The following MICAL3 variants were observed in gnomAD, a reference collection of about 807,000 sequenced individuals.
MICAL3 encodes [F-actin]-monooxygenase MICAL3.
Under a neutral mutation model 207.4 loss-of-function variants are expected in MICAL3, and 62 were observed. The observed-to-expected ratio is 0.30, with a 90% CI of 0.24 to 0.37. The LOEUF (loss-of-function observed/expected upper bound fraction) is 0.37, where lower values mean the gene tolerates loss of function less well. MICAL3 is among the 10% of genes least tolerant of loss of function. MICAL3 has a pLI of 1.00. For missense variants in MICAL3, 2,368 were observed against 2,635.6 expected (o/e 0.90, Z 2.22); for synonymous variants, 1,077 against 1,069.3 (o/e 1.01, Z -0.14).
intron 1 of MICAL3, among the ~76,000 whole-genome samples, chr22:17,921,065 T>C (rs555708359): frequency 1.2e-4 from 18 of 152,282 alleles, no homozygotes; most frequent in Middle Eastern, 6.8e-3. Flanking sequence ...ATCTTTACCC[T>C]AAAGCATTTC....
intron 19 of MICAL3, among the ~76,000 whole-genome samples, chr22:17,859,489 C>T (rs1926278282): frequency 6.6e-6 from 1 of 152,240 alleles, no homozygotes; most frequent in African/African-American, 2.4e-5. Flanking sequence ...CTAATGCCAG[C>T]AGCGGTGTGT....
Position 17,819,023 on chromosome 22 carries a change from G to C in MICAL3, c.3638C>G (p.Pro1213Arg). ...LPKEKPKADA[P>R]SDLKAVHSPI... Reference sequence around the variant, plus strand: ...AGAGTGCACAGCTTTCAGATCCGAGGGGGCATCAGCTTTGGGCTTCTCTTT... The same window carrying C: ...AGAGTGCACAGCTTTCAGATCCGAGCGGGCATCAGCTTTGGGCTTCTCTTT... The change falls in exon 26 of 32, where the codon CCC (proline) becomes CGC (arginine). Residue 1213 changes from proline to arginine, a missense_variant. Pro to Arg is a moderately radical substitution (Grantham distance 103). Coordinates refer to ENST00000441493, the MANE Select transcript of MICAL3 (RefSeq NM_015241.3). 2 of 1,606,904 alleles carry C rather than the reference G, an allele frequency of 1.2e-6. No homozygotes were observed. Among genetic ancestry groups the C allele is most frequent in the Non-Finnish European group, 1.7e-6 (2 of 1,176,728 alleles).
chr22:17,878,205 C>A (rs1423233693), intron 16 of MICAL3, among the ~76,000 whole-genome samples: 1 of 152,222 alleles, frequency 6.6e-6, no homozygotes, highest in Non-Finnish European at 1.5e-5. Context: ...ATCAGCATCT[C>A]ATTAAATACA....
intron 29 of MICAL3, among the ~76,000 whole-genome samples, chr22:17,798,198 C>A (rs892908003): frequency 1.3e-5 from 2 of 152,182 alleles, no homozygotes; most frequent in Non-Finnish European, 2.9e-5. Flanking sequence ...TCTATTTCCA[C>A]GTGAAAATAC....
Position 17,790,633 on chromosome 22 carries a change from A to G in MICAL3, c.*99T>C. On this transcript the variant is annotated 3_prime_UTR_variant, in exon 32 of 32. Transcript: ENST00000441493. ...CACGGGCATCTGAGCGTAAACTCCA[A>G]GGAGGTGCCAGGCCTCCTCAGATCG... 9.0e-7 allele frequency: 1 copy of G among 1,116,852 alleles called. No individual in the cohort carries two copies. 69.2% of individuals were successfully genotyped at this position (1,116,852 alleles called of 1,614,324 possible).
Position 17,809,461 on chromosome 22 carries a change from CT to C in MICAL3, c.5557-525del, listed in dbSNP as rs1420568332. ...CCCTCCTCGCTAGCATGGTGAAACC[CT>C]GTCTCTACTAAAAATACAAAAATTA... On this transcript the variant is annotated intron_variant, in intron 28 of 31. Coordinates refer to ENST00000441493, the MANE Select transcript of MICAL3 (RefSeq NM_015241.3). Among the ~76,000 whole-genome samples, 16 of 152,214 alleles carry C rather than the reference CT, an allele frequency of 1.1e-4. 1 individual carries two copies. Among genetic ancestry groups the C allele is most frequent in the African/African-American group, 3.6e-4 (15 of 41,446 alleles).
intron 11 of MICAL3, 119 bp from the exon 12 acceptor site, chr22:17,891,751 T>A (rs1930409268): frequency 1.3e-5 from 11 of 850,520 alleles, no homozygotes; most frequent in East Asian, 2.7e-5. Context: ...GACGAAACAG[T>A]CAACACTAGT....
intron 1 of MICAL3, among the ~76,000 whole-genome samples, chr22:17,944,477 T>C (rs181148850): frequency 3.3e-5 from 5 of 152,274 alleles, no homozygotes; most frequent in African/African-American, 1.2e-4. Context: ...AAGCATATTA[T>C]TACATTAAGT....
chr22:17,862,905 G>A (rs1926671756), intron 19 of MICAL3: 5 of 985,252 alleles, frequency 5.1e-6, no homozygotes, highest in Non-Finnish European at 6.0e-6. Context: ...TGATTCCTTT[G>A]GGACACCACA....
rs1048838166 is a variant in MICAL3 at position 17,816,770 on chromosome 22, G to C, written c.5365C>G (p.Arg1789Gly). The C allele has an allele frequency of 3.2e-6, 5 of 1,550,404 alleles. No homozygotes were observed. Among genetic ancestry groups the C allele is most frequent in the Non-Finnish European group, 4.4e-6 (5 of 1,146,990 alleles). Reference protein sequence around the residue: ...PVVRAELQLRRQLSFSEDSDL... With the variant: ...PVVRAELQLRGQLSFSEDSDL... ...GAGTCCTCGGAGAAGCTCAGCTGGC[G>C]CCGGAGCTGCAGCTCTGTGGAGAGA... The change falls in exon 27 of 32, where the codon CGC becomes GGC. Residue 1789 changes from arginine to glycine, a missense_variant. Coordinates refer to ENST00000441493, the MANE Select transcript of MICAL3 (RefSeq NM_015241.3).
At chr22:17,870,031 C>T (rs574562563) in intron 17 of MICAL3, among the ~76,000 whole-genome samples, 28 of 152,280 alleles carry the variant, frequency 1.8e-4, no homozygotes, top group Admixed American at 1.8e-3. Context: ...AAAGTTCCTT[C>T]CTGGCTCTAG....
chr22:17,844,331 G>A (rs1924410153), intron 19 of MICAL3, among the ~76,000 whole-genome samples: 1 of 152,194 alleles, frequency 6.6e-6, no homozygotes, highest in African/African-American at 2.4e-5. Flanking sequence ...TGGTCCATCA[G>A]GCAAAACCTG....
At chr22:17,905,333 A>C (rs1931636176) in intron 2 of MICAL3, among the ~76,000 whole-genome samples, 1 of 152,154 alleles carries the variant, frequency 6.6e-6, no homozygotes, top group Non-Finnish European at 1.5e-5. Context: ...TCAAGAGCCA[A>C]AGTTTTGTGT....
chr22:17,798,384 GTAGA>G (rs745942547), intron 29 of MICAL3, among the ~76,000 whole-genome samples: 9 of 152,164 alleles, frequency 5.9e-5, no homozygotes, highest in Non-Finnish European at 1.2e-4. Flanking sequence ...AACATCCTGC[GTAGA>G]TAGAGATCAT....
Position 17,818,144 on chromosome 22 carries a change from C to T in MICAL3, c.4517G>A (p.Arg1506Lys), listed in dbSNP as rs778681589. The change falls in exon 26 of 32, where the codon AGA becomes AAA. Residue 1506 changes from arginine to lysine, a missense_variant. By Grantham distance (26) the Arg-to-Lys change is conservative. Coordinates refer to ENST00000441493, the MANE Select transcript of MICAL3 (RefSeq NM_015241.3). Reference protein sequence around the residue: ...RPPREPAQPPREEVRKSFVES... With the variant: ...RPPREPAQPPKEEVRKSFVES... ...CACAAACGACTTCCGCACCTCCTCT[C>T]TGGGGGGCTGAGCAGGCTCCCGGGG... 2 of 1,606,802 alleles carry T rather than the reference C, an allele frequency of 1.2e-6. No homozygotes were observed. Among genetic ancestry groups the T allele is most frequent in the Admixed American group, 1.7e-5 (1 of 59,192 alleles).
chr22:17,908,822 T>C (rs1487119526), intron 1 of MICAL3, among the ~76,000 whole-genome samples: 3 of 152,140 alleles, frequency 2.0e-5, no homozygotes, highest in Non-Finnish European at 4.4e-5. Context: ...TCAGCAGGCA[T>C]GTAGAAGCAA....
Position 17,851,662 on chromosome 22 carries a change from C to T in MICAL3, c.2606-9645G>A, listed in dbSNP as rs768025183. 2.0e-4 allele frequency among the ~76,000 whole-genome samples: 30 copies of T among 152,140 alleles called. 1 individual carries two copies. Among genetic ancestry groups the T allele is most frequent in the Non-Finnish European group, 3.7e-4 (25 of 68,032 alleles). ...ATGCCTGTCAGGTAGCTTGGTGCTA[C>T]GCAGTTCCCCAAGAACAAATGGGAA... On this transcript the variant is annotated intron_variant, in intron 19 of 31. Coordinates refer to ENST00000441493, the MANE Select transcript of MICAL3 (RefSeq NM_015241.3).
At chr22:17,820,941 T>TATTTATAAACATAAATTTTAATAA (rs1921549709) in intron 25 of MICAL3, among the ~76,000 whole-genome samples, 1 of 141,444 alleles carries the variant, frequency 7.1e-6, no homozygotes. Context: ...AATAAATTTA[T>TATTTATAAACATAAATTTTAATAA]GTTTATAAAC....
At position 17,817,639 on chromosome 22, in the gene MICAL3, G is replaced by A. The variant is rs1481711527; in HGVS notation, c.5022C>T (p.Ser1674=). The A allele has an allele frequency of 6.2e-7, 1 of 1,612,840 alleles. No individual in the cohort carries two copies. The highest frequency in any genetic ancestry group is 8.5e-7 in the Non-Finnish European group (1 of 1,179,854). ...KHEATSEEVL[S]PPSDSGGPDG... Reference sequence around the variant, plus strand: ...CTGGGCCCCCTGAGTCCGACGGCGGGGAGAGGACCTCCTCGCTGGTGGCTT... The same window carrying A: ...CTGGGCCCCCTGAGTCCGACGGCGGAGAGAGGACCTCCTCGCTGGTGGCTT... Residue 1674 remains serine, a synonymous_variant, in exon 26 of 32, where the codon TCC becomes TCT. Coordinates refer to ENST00000441493, the MANE Select transcript of MICAL3 (RefSeq NM_015241.3).
Sources: allele counts gnomAD v4.1 joint callset (sites outside exome capture counted in the v4.1 genomes callset), GRCh38; gene constraint gnomAD v4.1.1; transcripts MANE v1.5; gene names NCBI Gene and HGNC (gene_info 2026-07-23, HGNC 2026-07-21).